BACH2: variants seen among roughly 807,000 people sequenced by gnomAD.
BACH2 encodes BACH transcriptional regulator 2.
Under a neutral mutation model 61.8 loss-of-function variants are expected in BACH2, and 5 were observed. The ratio of observed to expected loss-of-function variants is 0.08; its 90% CI spans 0.04 to 0.17. The LOEUF is 0.17. BACH2 is among the 10% of genes least tolerant of loss of function. BACH2 has a pLI of 1.00. For missense variants in BACH2, 824 were observed against 1,091.1 expected (o/e 0.76, Z 3.45); for synonymous variants, 446 against 440.1 (o/e 1.01, Z -0.17).
Position 89,950,565 on chromosome 6 carries a change from T to C in BACH2, c.1541A>G (p.Glu514Gly). The change falls in exon 7 of 9, where the codon GAG (glutamate) becomes GGG (glycine). Residue 514 changes from glutamate (E) to glycine (G), a missense_variant. Coordinates refer to ENST00000257749, the MANE Select transcript of BACH2 (RefSeq NM_021813.4). This position sits in a 1 kb window ranked among gnomAD's most constrained non-coding sequence, Gnocchi z 5.3. ...IKVCPRSPPL[E>G]TRTRTSSSCS... is the part of the protein sequence containing the mutation. ...GGAGCTGGAAGTCCTGGTCCTGGTC[T>C]CCAAGGGGGGTGAGCGAGGGCAGAC... The C allele has an allele frequency of 6.2e-7, 1 of 1,611,176 alleles. No homozygotes were observed. The highest frequency in any genetic ancestry group is 8.5e-7 in the Non-Finnish European group (1 of 1,177,992).
chr6:90,052,510 C>G (rs533238928), intron 5 of BACH2, among the ~76,000 whole-genome samples: 1 of 152,300 alleles, frequency 6.6e-6, no homozygotes, highest in Admixed American at 6.5e-5. Context: ...ACCTCCGTCT[C>G]CTGGGTTCAA....
chr6:90,013,683 T>G (rs1777855500), intron 5 of BACH2, among the ~76,000 whole-genome samples: 2 of 151,924 alleles, frequency 1.3e-5, no homozygotes, highest in African/African-American at 4.8e-5. Context: ...ATTTTTTTTG[T>G]ATTTTTAGTA....
At chr6:90,018,124 A>G (rs112606036) in intron 5 of BACH2, among the ~76,000 whole-genome samples, 32 of 152,286 alleles carry the variant, frequency 2.1e-4, no homozygotes, top group African/African-American at 7.5e-4. Flanking sequence ...GCTGGTAGGA[A>G]ATGATGTTAT....
intron 1 of BACH2, among the ~76,000 whole-genome samples, chr6:90,286,048 C>T (rs1193790332): frequency 6.6e-6 from 1 of 152,170 alleles, no homozygotes; most frequent in East Asian, 1.9e-4. Context: ...TGGTAATAAA[C>T]AACTCACTCT....
intron 6 of BACH2, among the ~76,000 whole-genome samples, chr6:89,954,942 A>C (rs1410030970): frequency 1.3e-5 from 2 of 152,228 alleles, no homozygotes; most frequent in Non-Finnish European, 2.9e-5. Flanking sequence ...GCTCATAACT[A>C]GCTCTTCTCC....
At chr6:89,981,312 T>C (rs1775942147) in intron 6 of BACH2, among the ~76,000 whole-genome samples, 1 of 146,730 alleles carries the variant, frequency 6.8e-6, no homozygotes, top group East Asian at 2.0e-4. Context: ...TTTTTTTCTT[T>C]TTGTATTTTT....
At chr6:90,104,928 T>C (rs1321984932) in intron 4 of BACH2, among the ~76,000 whole-genome samples, 1 of 152,194 alleles carries the variant, frequency 6.6e-6, no homozygotes, top group Non-Finnish European at 1.5e-5. Flanking sequence ...GACCGATAAT[T>C]CTAAATTTAA....
At chr6:90,127,008 A>G (rs1783877210) in intron 4 of BACH2, among the ~76,000 whole-genome samples, 1 of 152,178 alleles carries the variant, frequency 6.6e-6, no homozygotes, top group Non-Finnish European at 1.5e-5. Context: ...CAAGCTGTTG[A>G]CAACTCCTAC....
chr6:89,935,967 T>C (rs1772996252), intron 8 of BACH2, among the ~76,000 whole-genome samples: 1 of 152,258 alleles, frequency 6.6e-6, no homozygotes, highest in South Asian at 2.1e-4. Context: ...TTAAATTTTG[T>C]TGTTTAACGA....
At chr6:90,278,392 G>A (rs1177485758) in intron 1 of BACH2, among the ~76,000 whole-genome samples, 4 of 152,270 alleles carry the variant, frequency 2.6e-5, no homozygotes, top group East Asian at 1.9e-4. Context: ...TCCAGGCCAT[G>A]GAGACCTTTC....
chr6:89,961,236 GAAT>G (rs1407703135), intron 6 of BACH2, among the ~76,000 whole-genome samples: 1 of 152,092 alleles, frequency 6.6e-6, no homozygotes, highest in African/African-American at 2.4e-5. Context: ...GAAGTTCACA[GAAT>G]AATTTTTAAA....
intron 4 of BACH2, among the ~76,000 whole-genome samples, chr6:90,193,054 C>G (rs1768629703): frequency 6.6e-6 from 1 of 152,236 alleles, no homozygotes; most frequent in African/African-American, 2.4e-5. Context: ...TCCCAGGCCA[C>G]TTCACCTCCA....
intron 1 of BACH2, among the ~76,000 whole-genome samples, chr6:90,281,581 T>A (rs1484612833): frequency 6.6e-6 from 1 of 152,148 alleles, no homozygotes. Context: ...TAATTTTCTT[T>A]ATAGTTTTAC....
chr6:90,098,166 G>A (rs1782457795), intron 4 of BACH2, among the ~76,000 whole-genome samples: 1 of 152,138 alleles, frequency 6.6e-6, no homozygotes, highest in South Asian at 2.1e-4. Context: ...CATCATTCTA[G>A]TCTGTTTCTA....
chr6:90,294,653 T>C (rs1772281506), intron 1 of BACH2, among the ~76,000 whole-genome samples: 2 of 152,204 alleles, frequency 1.3e-5, no homozygotes, highest in Admixed American at 6.5e-5. Context: ...CGTTTATTAT[T>C]ACCTGCAAGA....
chr6:90,080,732 T>A (rs1255530045), intron 5 of BACH2: 1 of 983,558 alleles, frequency 1.0e-6, no homozygotes, highest in African/African-American at 1.7e-5. Flanking sequence ...ACAAAAGGCG[T>A]CAACCCTGAG....
chr6:89,988,446 TATAA>T (rs971146683), intron 6 of BACH2, among the ~76,000 whole-genome samples: 31 of 152,172 alleles, frequency 2.0e-4, no homozygotes, highest in Non-Finnish European at 8.8e-5. Flanking sequence ...TCAAAAAAGT[TATAA>T]ATATTGTACA....
At chr6:90,048,049 C>T (rs77629516) in intron 5 of BACH2, among the ~76,000 whole-genome samples, 35 of 152,158 alleles carry the variant, frequency 2.3e-4, no homozygotes, top group African/African-American at 8.0e-4. Context: ...GAAATTCAGT[C>T]GTAGCTTTTC....
At chr6:89,934,486 T>A (rs1384217449) in intron 8 of BACH2, among the ~76,000 whole-genome samples, 1 of 152,052 alleles carries the variant, frequency 6.6e-6, no homozygotes, top group African/African-American at 2.4e-5. Context: ...GGTGAAACCC[T>A]GTCTTTACTA....
Sources: allele counts gnomAD v4.1 joint callset (sites outside exome capture counted in the v4.1 genomes callset), GRCh38; gene constraint gnomAD v4.1.1; non-coding constraint Gnocchi (gnomAD v3.1); transcripts MANE v1.5; gene names NCBI Gene and HGNC (gene_info 2026-07-23, HGNC 2026-07-21).